The following BMAL1 variants were observed in gnomAD, a reference collection of about 807,000 sequenced individuals.
The protein encoded by BMAL1 is basic helix-loop-helix ARNT like 1, also known as basic helix-loop-helix ARNT-like protein 1.
At chr11:13,325,663 G>T in the BMAL1 span, among the ~76,000 whole-genome samples, 6 of 147,580 alleles carry the variant, frequency 4.1e-5, no homozygotes, top group African/African-American at 1.6e-4. Flanking sequence ...CCTTTTGTGT[G>T]TGTGTGTGTG....
At chr11:13,383,648 A>T in the BMAL1 span, among the ~76,000 whole-genome samples, 1 of 152,144 alleles carries the variant, frequency 6.6e-6, no homozygotes, top group Non-Finnish European at 1.5e-5. Context: ...CAGCAGTTCC[A>T]GGCAAGTCTG....
chr11:13,386,483 C>G, the BMAL1 span: 2 of 1,162,314 alleles, frequency 1.7e-6, no homozygotes, highest in Non-Finnish European at 2.3e-6. Context: ...AGCAGCATCT[C>G]ACCCTACCAT....
the BMAL1 span, chr11:13,366,539 A>G: frequency 1.2e-6 from 1 of 826,316 alleles, no homozygotes; most frequent in Non-Finnish European, 2.0e-6. Flanking sequence ...AGGTTCACAT[A>G]GGAAAAGTTT....
the BMAL1 span, among the ~76,000 whole-genome samples, chr11:13,362,450 T>C: frequency 1.3e-5 from 2 of 152,232 alleles, no homozygotes; most frequent in Admixed American, 1.3e-4. Flanking sequence ...GGAATCTTTG[T>C]GTGACTTGTA....
the BMAL1 span, among the ~76,000 whole-genome samples, chr11:13,314,746 A>G: frequency 6.6e-6 from 1 of 152,064 alleles, no homozygotes; most frequent in South Asian, 2.1e-4. Flanking sequence ...TTTCCCCCTT[A>G]ATCCAGCTGA....
At chr11:13,316,316 T>A in the BMAL1 span, among the ~76,000 whole-genome samples, 1 of 152,226 alleles carries the variant, frequency 6.6e-6, no homozygotes. Flanking sequence ...GCAGTTGGTA[T>A]GTGTGCATGT....
chr11:13,340,947 C>G, the BMAL1 span, among the ~76,000 whole-genome samples: 4 of 152,318 alleles, frequency 2.6e-5, no homozygotes, highest in South Asian at 4.1e-4. Context: ...TGAGGCATCT[C>G]TAGCTCCTGG....
At chr11:13,327,759 G>A in the BMAL1 span, among the ~76,000 whole-genome samples, 1 of 152,204 alleles carries the variant, frequency 6.6e-6, no homozygotes, top group Non-Finnish European at 1.5e-5. Context: ...AACAGAAAGG[G>A]TTGGTGAGCA....
the BMAL1 span, among the ~76,000 whole-genome samples, chr11:13,315,470 G>A: frequency 6.6e-6 from 1 of 152,220 alleles, no homozygotes; most frequent in Non-Finnish European, 1.5e-5. Context: ...TAGGGGCTTG[G>A]TAGATGTTGG....
chr11:13,292,309 T>C, the BMAL1 span, among the ~76,000 whole-genome samples: 62 of 149,266 alleles, frequency 4.2e-4, no homozygotes, highest in Admixed American at 6.7e-4. Flanking sequence ...CTTTGGGAGG[T>C]CGAGGCAGGC....
the BMAL1 span, among the ~76,000 whole-genome samples, chr11:13,282,834 A>C: frequency 1.3e-5 from 2 of 152,210 alleles, no homozygotes; most frequent in African/African-American, 4.8e-5. Context: ...GGGAGCCTTT[A>C]GGCCATGGTT....
the BMAL1 span, chr11:13,379,251 T>A: frequency 6.6e-6 from 1 of 152,214 alleles, no homozygotes; most frequent in South Asian, 2.1e-4. Flanking sequence ...CATAAGTCTG[T>A]CCAAATTTGG....
At chr11:13,379,223 C>T in the BMAL1 span, 1 of 152,110 alleles carries the variant, frequency 6.6e-6, no homozygotes, top group Non-Finnish European at 1.5e-5. Context: ...TAAGAGCAGT[C>T]GAGAGGGAAG....
At chr11:13,284,230 GTGTGTATATATATATA>G in the BMAL1 span, among the ~76,000 whole-genome samples, 258 of 20,646 alleles carry the variant, frequency 0.012, 25 homozygotes, top group African/African-American at 0.045. Context: ...ATATATATGT[GTGTGTATATATATATA>G]TATATATATA....
At chr11:13,386,918 A>T in the BMAL1 span, 1 of 734,172 alleles carries the variant, frequency 1.4e-6, no homozygotes. Flanking sequence ...TACTATATGT[A>T]ACTTCAGACA....
chr11:13,382,667 C>G, the BMAL1 span, among the ~76,000 whole-genome samples: 1 of 152,202 alleles, frequency 6.6e-6, no homozygotes, highest in African/African-American at 2.4e-5. Context: ...TGACTTGACT[C>G]CTGGTATTAC....
chr11:13,332,938 A>G, the BMAL1 span, among the ~76,000 whole-genome samples: 1 of 150,594 alleles, frequency 6.6e-6, no homozygotes. Context: ...GCCCCCAGGT[A>G]ATGGCATTAG....
the BMAL1 span, among the ~76,000 whole-genome samples, chr11:13,382,149 G>A: frequency 1.3e-5 from 2 of 152,172 alleles, no homozygotes; most frequent in Non-Finnish European, 2.9e-5. Flanking sequence ...TAAGGAGAGA[G>A]GGTAAGAGTA....
the BMAL1 span, among the ~76,000 whole-genome samples, chr11:13,292,669 T>C: frequency 6.6e-6 from 1 of 151,888 alleles, no homozygotes; most frequent in East Asian, 1.9e-4. Context: ...ACCAGGTGAG[T>C]CCCTCTGTTA....
Sources: gnomAD v4.1 joint callset for allele counts (sites outside exome capture counted in the v4.1 genomes callset) on GRCh38, gnomAD v4.1.1 for gene constraint, MANE v1.5 for transcripts, NCBI Gene and HGNC (gene_info 2026-07-23, HGNC 2026-07-21) for gene names.